The following KIDINS220 variants were observed in gnomAD, a reference collection of about 807,000 sequenced individuals.
KIDINS220 encodes the protein kinase D-interacting substrate of 220 kDa.
A neutral mutation model predicts 157.6 loss-of-function variants in KIDINS220; 63 were observed. The ratio of observed to expected loss-of-function variants is 0.40; its 90% CI spans 0.33 to 0.49. The LOEUF is 0.49. Ranked by LOEUF, KIDINS220 falls within the 20% of genes least tolerant of loss-of-function variation. KIDINS220 has a pLI of 0.66. For missense variants in KIDINS220, 1,772 were observed against 2,171.2 expected (o/e 0.82, Z 3.65); for synonymous variants, 732 against 783.6 (o/e 0.93, Z 1.10).
intron 22 of KIDINS220, among the ~76,000 whole-genome samples, chr2:8,765,669 C>T (rs1669388286): frequency 6.6e-6 from 1 of 152,122 alleles, no homozygotes; most frequent in African/African-American, 2.4e-5. Flanking sequence ...ATAGAAAATG[C>T]CACAATGTGC....
intron 15 of KIDINS220, among the ~76,000 whole-genome samples, chr2:8,786,699 C>T (rs1049297526): frequency 5.3e-5 from 8 of 152,100 alleles, no homozygotes; most frequent in Admixed American, 3.9e-4. Flanking sequence ...AAAGGTGACA[C>T]ACGTGTCATG....
intron 26 of KIDINS220, chr2:8,746,899 A>T (rs192712667): frequency 1.1e-3 from 452 of 410,308 alleles, no homozygotes; most frequent in Middle Eastern, 2.7e-3. Context: ...ATTGAAGAAT[A>T]AAAAAAAACC....
At chr2:8,822,904 G>GAATTAT (rs1317520244) in intron 2 of KIDINS220, among the ~76,000 whole-genome samples, 1 of 152,166 alleles carries the variant, frequency 6.6e-6, no homozygotes, top group African/African-American at 2.4e-5. Flanking sequence ...AAGGAAACTA[G>GAATTAT]AATTCACTGT....
At chr2:8,805,161 G>C (rs924236276) in intron 7 of KIDINS220, among the ~76,000 whole-genome samples, 8 of 152,316 alleles carry the variant, frequency 5.3e-5, no homozygotes, top group African/African-American at 1.9e-4. Context: ...AGGAGCTTCT[G>C]TCCCCATGGA....
At chr2:8,820,725 T>G (rs959691460) in intron 2 of KIDINS220, among the ~76,000 whole-genome samples, 7 of 152,220 alleles carry the variant, frequency 4.6e-5, no homozygotes, top group Admixed American at 4.6e-4. Context: ...TTATAACTTT[T>G]ATGATAATCA....
rs1004090211 is a variant in KIDINS220 at position 8,733,661 on chromosome 2, G to C, written c.3836C>G (p.Ala1279Gly). 7.6e-6 allele frequency: 12 copies of C among 1,580,062 alleles called. No individual in the cohort carries two copies. The highest frequency in any genetic ancestry group is 1.4e-5 in the African/African-American group (1 of 73,730). The stretch of plus-strand genomic sequence containing the variant: ...GTCTTCAGGGACCACGTGGCTTTCT[G>C]CGTTTCTCATTTCTAGTACCTTAAC... ...FRSTVLEMRN[A>G]ESHVVPEDPR... is the part of the protein sequence containing the mutation. The change falls in exon 29 of 30, where the codon GCA becomes GGA. Residue 1279 changes from alanine to glycine, a missense_variant. This residue lies in a region of KIDINS220 where 793 missense variants were observed against 885.5 expected (regional missense o/e 0.90). Transcript: ENST00000256707.
chr2:8,747,046 G>T, intron 26 of KIDINS220, 99 bp downstream of exon 26: 2 of 1,031,036 alleles, frequency 1.9e-6, no homozygotes, highest in Non-Finnish European at 3.1e-6. Context: ...CACCACAAAC[G>T]CAGAGTTAGT....
chr2:8,747,108 G>C (rs1666688523), intron 26 of KIDINS220, 37 bp downstream of exon 26: 2 of 1,588,070 alleles, frequency 1.3e-6, no homozygotes, highest in Non-Finnish European at 1.7e-6. Context: ...GAAGCAATGA[G>C]ATGCCAGCGA....
At chr2:8,792,997 A>G in intron 12 of KIDINS220, among the ~76,000 whole-genome samples, 2 of 152,276 alleles carry the variant, frequency 1.3e-5, no homozygotes, top group Admixed American at 1.3e-4. Flanking sequence ...ATTATAACTC[A>G]ATTTTTATTT....
At chr2:8,796,347 C>G (rs1237875846) in intron 11 of KIDINS220, among the ~76,000 whole-genome samples, 1 of 152,168 alleles carries the variant, frequency 6.6e-6, no homozygotes, top group Non-Finnish European at 1.5e-5. Flanking sequence ...AAAAATTCCT[C>G]TGAAAGGATT....
At chr2:8,760,690 T>G (rs1668634847) in intron 22 of KIDINS220, among the ~76,000 whole-genome samples, 1 of 152,248 alleles carries the variant, frequency 6.6e-6, no homozygotes, top group Admixed American at 6.5e-5. Context: ...TTGTCCACAA[T>G]TCTCCAATTT....
At chr2:8,834,203 T>C (rs1421162430) in intron 1 of KIDINS220, among the ~76,000 whole-genome samples, 2 of 152,134 alleles carry the variant, frequency 1.3e-5, no homozygotes, top group Non-Finnish European at 2.9e-5. Flanking sequence ...GTGGTCCTCC[T>C]GAATCGTGTC....
At chr2:8,811,637 A>G (rs1046997647) in intron 6 of KIDINS220, among the ~76,000 whole-genome samples, 1 of 152,216 alleles carries the variant, frequency 6.6e-6, no homozygotes, top group African/African-American at 2.4e-5. Context: ...TGAGCCTGCA[A>G]GACAGGCTGA....
intron 1 of KIDINS220, among the ~76,000 whole-genome samples, chr2:8,827,424 G>A (rs1439842424): frequency 6.6e-6 from 1 of 152,130 alleles, no homozygotes; most frequent in African/African-American, 2.4e-5. Flanking sequence ...CACCATGCCA[G>A]TAAACGGCAG....
chr2:8,780,544 T>TG (rs1572628223), intron 17 of KIDINS220, among the ~76,000 whole-genome samples: 2 of 148,564 alleles, frequency 1.3e-5, no homozygotes, highest in African/African-American at 5.0e-5. Context: ...GTGTGTGTGG[T>TG]GGGGGGTGTG....
chr2:8,822,501 G>A (rs1472303092), intron 2 of KIDINS220, among the ~76,000 whole-genome samples: 3 of 151,988 alleles, frequency 2.0e-5, no homozygotes, highest in African/African-American at 7.3e-5. Context: ...GGTAGCACAC[G>A]CCTGTAGTCC....
At chr2:8,779,588 T>A in intron 18 of KIDINS220, 86 bp downstream of exon 18, 1 of 1,418,586 alleles carries the variant, frequency 7.0e-7, no homozygotes, top group Non-Finnish European at 9.5e-7. Flanking sequence ...ACCAATTCCG[T>A]TCTATTTTTA....
At chr2:8,806,508 A>C in intron 6 of KIDINS220, 139 bp from the exon 7 acceptor site, 1 of 562,760 alleles carries the variant, frequency 1.8e-6, no homozygotes, top group South Asian at 3.3e-5. Flanking sequence ...TTGTAATCTT[A>C]GATAAATCCT....
intron 4 of KIDINS220, among the ~76,000 whole-genome samples, chr2:8,814,861 C>T (rs940277065): frequency 7.2e-5 from 11 of 152,272 alleles, no homozygotes; most frequent in Middle Eastern, 3.4e-3. Flanking sequence ...AAAAGCACAT[C>T]GCCTCTGGGA....
Sources: allele counts gnomAD v4.1 joint callset (sites outside exome capture counted in the v4.1 genomes callset), GRCh38; gene constraint gnomAD v4.1.1; regional missense constraint gnomAD v4.1.1; transcripts MANE v1.5; gene names NCBI Gene and HGNC (gene_info 2026-07-23, HGNC 2026-07-21).